SLC8A1: variants seen among roughly 807,000 people sequenced by gnomAD.
The protein encoded by SLC8A1 is solute carrier family 8 member A1.
A neutral mutation model predicts 68.3 loss-of-function variants in SLC8A1; 18 were observed. That is an observed-to-expected ratio of 0.26 (90% confidence interval 0.18 to 0.39). The LOEUF (loss-of-function observed/expected upper bound fraction) is 0.39, where lower values mean the gene tolerates loss of function less well. Among genes scored for constraint, SLC8A1 ranks in the 10% least tolerant of loss-of-function variants. The pLI is 1.00. For synonymous variants in SLC8A1, 475 were observed against 415.5 expected, an observed-to-expected ratio of 1.14 and a Z score of -1.74; for missense variants, 985 against 1,156.7, an observed-to-expected ratio of 0.85 and a Z score of 2.15.
At chr2:40,447,302 T>C (rs1158459552) in intron 1 of SLC8A1, among the ~76,000 whole-genome samples, 1 of 152,174 alleles carries the variant, frequency 6.6e-6, no homozygotes, top group Non-Finnish European at 1.5e-5. Context: ...AGGACTTAAA[T>C]GGCTAAATCT....
At chr2:40,233,848 T>C (rs1333976774) in intron 2 of SLC8A1, among the ~76,000 whole-genome samples, 1 of 151,808 alleles carries the variant, frequency 6.6e-6, no homozygotes, top group Non-Finnish European at 1.5e-5. Context: ...ATTTATTAAA[T>C]AGGGAATCCT....
intron 5 of SLC8A1, among the ~76,000 whole-genome samples, chr2:40,161,410 CCT>C (rs1481036804): frequency 6.6e-6 from 1 of 152,052 alleles, no homozygotes; most frequent in East Asian, 1.9e-4. Context: ...CAGCCTCTTG[CCT>C]CTTAGAGAAT....
chr2:40,258,921 G>C (rs1316047625), intron 2 of SLC8A1, among the ~76,000 whole-genome samples: 1 of 140,408 alleles, frequency 7.1e-6, no homozygotes, highest in African/African-American at 2.7e-5. Flanking sequence ...AATTGAACCA[G>C]AAAGAAAATA....
chr2:40,232,285 AG>A (rs1285138909), intron 2 of SLC8A1, among the ~76,000 whole-genome samples: 1 of 152,158 alleles, frequency 6.6e-6, no homozygotes, highest in African/African-American at 2.4e-5. Flanking sequence ...AGAAGAAATC[AG>A]GGGCATACAG....
At chr2:40,438,741 CTAAT>C (rs1699937332) in intron 1 of SLC8A1, among the ~76,000 whole-genome samples, 1 of 152,108 alleles carries the variant, frequency 6.6e-6, no homozygotes, top group Non-Finnish European at 1.5e-5. Context: ...ACCTGGCAAA[CTAAT>C]TAAAATGCAG....
intron 2 of SLC8A1, among the ~76,000 whole-genome samples, chr2:40,194,469 A>ATTGTG (rs1553402207): frequency 7.3e-6 from 1 of 137,328 alleles, no homozygotes; most frequent in African/African-American, 2.7e-5. Flanking sequence ...TCAGTAAGCA[A>ATTGTG]TGTGTGTGTG....
chr2:40,247,249 A>G (rs1294565137), intron 2 of SLC8A1, among the ~76,000 whole-genome samples: 1 of 152,130 alleles, frequency 6.6e-6, no homozygotes, highest in Non-Finnish European at 1.5e-5. Flanking sequence ...ATCCCCAGAG[A>G]GCTGTCATGG....
intron 2 of SLC8A1, among the ~76,000 whole-genome samples, chr2:40,198,404 T>C (rs4952591): frequency 0.46 from 70,391 of 151,836 alleles, 18,562 homozygotes; most frequent in Non-Finnish European, 0.61. Context: ...ATCACCATTA[T>C]ATATTTATTT....
At chr2:40,339,630 T>A (rs1155246) in intron 2 of SLC8A1, among the ~76,000 whole-genome samples, 3 of 152,072 alleles carry the variant, frequency 2.0e-5, no homozygotes, top group Admixed American at 1.3e-4. Flanking sequence ...TGAAATAGAA[T>A]GCAATTTATG....
At chr2:40,332,455 CCTTA>C (rs891562867) in intron 2 of SLC8A1, among the ~76,000 whole-genome samples, 3 of 151,980 alleles carry the variant, frequency 2.0e-5, no homozygotes, top group African/African-American at 7.3e-5. Flanking sequence ...CGGTGTTTCC[CCTTA>C]CTTATGTATC....
chr2:40,437,657 C>T (rs912500041), intron 1 of SLC8A1, among the ~76,000 whole-genome samples: 15 of 151,872 alleles, frequency 9.9e-5, no homozygotes, highest in African/African-American at 3.6e-4. Context: ...GCTCTAATAA[C>T]AATAATTCAG....
chr2:40,510,583 T>C (rs1465216531), intron 1 of SLC8A1, among the ~76,000 whole-genome samples: 1 of 152,196 alleles, frequency 6.6e-6, no homozygotes, highest in Non-Finnish European at 1.5e-5. Context: ...CCGGCTGGTA[T>C]ATAGTGTTTA....
At chr2:40,262,151 C>T (rs992435719) in intron 2 of SLC8A1, among the ~76,000 whole-genome samples, 1 of 151,988 alleles carries the variant, frequency 6.6e-6, no homozygotes, top group African/African-American at 2.4e-5. Flanking sequence ...TTAGTAGAGA[C>T]GGGGTTTCAC....
At chr2:40,149,501 C>T (rs910847343) in intron 6 of SLC8A1, among the ~76,000 whole-genome samples, 8 of 152,066 alleles carry the variant, frequency 5.3e-5, no homozygotes, top group East Asian at 1.9e-4. Flanking sequence ...GAGAAATAAT[C>T]GGATATGGAG....
Position 40,293,069 on chromosome 2 carries a change from C to T in SLC8A1, c.1809-115214G>A, listed in dbSNP as rs148296247. Among the ~76,000 whole-genome samples, 688 of 152,136 alleles carry T rather than the reference C, an allele frequency of 4.5e-3. 5 individuals carry two copies. Among genetic ancestry groups the T allele is most frequent in the Non-Finnish European group, 7.6e-3 (520 of 67,982 alleles). ...CTTATTTTGTTGTTGTTGTTTTCTG[C>T]CAGAAAATCTTTACACATGCTGTTT... On this transcript the variant is annotated intron_variant, in intron 2 of 7. Coordinates refer to ENST00000406785, the Ensembl canonical transcript of SLC8A1.
chr2:40,408,866 C>T (rs1691218259), intron 2 of SLC8A1, among the ~76,000 whole-genome samples: 1 of 151,660 alleles, frequency 6.6e-6, no homozygotes, highest in South Asian at 2.1e-4. Flanking sequence ...AGTATTGAAT[C>T]CAAAGACACT....
intron 7 of SLC8A1, among the ~76,000 whole-genome samples, chr2:40,126,462 G>A (rs1337559054): frequency 6.6e-6 from 1 of 152,192 alleles, no homozygotes; most frequent in African/African-American, 2.4e-5. Flanking sequence ...ATCCAGGGCA[G>A]TGGGATACCA....
chr2:40,509,873 T>C (rs1706606642), intron 1 of SLC8A1, among the ~76,000 whole-genome samples: 1 of 152,024 alleles, frequency 6.6e-6, no homozygotes, highest in South Asian at 2.1e-4. Flanking sequence ...TGCAGTGGCA[T>C]GATCTCGGCT....
chr2:40,243,026 C>A (rs1351717991), intron 2 of SLC8A1, among the ~76,000 whole-genome samples: 1 of 152,160 alleles, frequency 6.6e-6, no homozygotes, highest in Non-Finnish European at 1.5e-5. Flanking sequence ...CATTCCTTCA[C>A]CAAACGTGGA....
Sources: gnomAD v4.1 joint callset for allele counts (sites outside exome capture counted in the v4.1 genomes callset) on GRCh38, gnomAD v4.1.1 for gene constraint, MANE v1.5 for transcripts, NCBI Gene and HGNC (gene_info 2026-07-23, HGNC 2026-07-21) for gene names.